Variants in GPM6A observed in about 807,000 individuals in gnomAD.
GPM6A encodes neuronal membrane glycoprotein M6-a.
In GPM6A, 7 loss-of-function variants were observed where a neutral mutation model predicts 32.1. The ratio of observed to expected loss-of-function variants is 0.22; its 90% CI spans 0.12 to 0.41. GPM6A has a LOEUF of 0.41. Among genes scored for constraint, GPM6A ranks in the 10% least tolerant of loss-of-function variants. GPM6A has a pLI of 1.00. For synonymous variants in GPM6A, 130 were observed against 123.4 expected, an observed-to-expected ratio of 1.05 and a Z score of -0.35; for missense variants, 235 against 347.2, an observed-to-expected ratio of 0.68 and a Z score of 2.57.
At chr4:175,733,432 G>A (rs1731519266) in intron 1 of GPM6A, among the ~76,000 whole-genome samples, 1 of 152,168 alleles carries the variant, frequency 6.6e-6, no homozygotes, top group Non-Finnish European at 1.5e-5. Context: ...GAACCTGGGA[G>A]ACGGAAGTTG....
chr4:175,647,860 C>A (rs1281751915), intron 4 of GPM6A, among the ~76,000 whole-genome samples: 2 of 151,980 alleles, frequency 1.3e-5, no homozygotes, highest in African/African-American at 2.4e-5. Flanking sequence ...GACATATAAT[C>A]TGGAGGGCAA....
intron 1 of GPM6A, among the ~76,000 whole-genome samples, chr4:175,772,301 T>C (rs575125868): frequency 1.3e-5 from 2 of 152,172 alleles, no homozygotes; most frequent in Non-Finnish European, 2.9e-5. Context: ...CCCGAGAACA[T>C]GCCACTTTGA....
chr4:175,737,758 G>A (rs1731720545), intron 1 of GPM6A, among the ~76,000 whole-genome samples: 1 of 152,090 alleles, frequency 6.6e-6, no homozygotes, highest in South Asian at 2.1e-4. Flanking sequence ...GGGCGAAGGG[G>A]AGCAGATGTA....
chr4:175,899,293 A>G (rs927691213), intron 1 of GPM6A, among the ~76,000 whole-genome samples: 2 of 152,184 alleles, frequency 1.3e-5, no homozygotes, highest in Non-Finnish European at 2.9e-5. Flanking sequence ...CTACAATTAA[A>G]TAGTACAAAA....
chr4:175,856,681 CG>C (rs1474529339), intron 1 of GPM6A, among the ~76,000 whole-genome samples: 1 of 152,030 alleles, frequency 6.6e-6, no homozygotes, highest in Non-Finnish European at 1.5e-5. Context: ...TTTTACTGAG[CG>C]ATGGAAGCAG....
chr4:175,711,459 C>CAT (rs1745538084), intron 1 of GPM6A, among the ~76,000 whole-genome samples: 1 of 14,626 alleles, frequency 6.8e-5, no homozygotes, highest in East Asian at 3.0e-3. Flanking sequence ...TATATATATA[C>CAT]ACACACATAC....
chr4:175,878,914 T>A (rs1370435848), intron 1 of GPM6A, among the ~76,000 whole-genome samples: 1 of 152,216 alleles, frequency 6.6e-6, no homozygotes, highest in Non-Finnish European at 1.5e-5. Flanking sequence ...AAAAGCTGAA[T>A]GCTTTTAACA....
intron 1 of GPM6A, among the ~76,000 whole-genome samples, chr4:175,986,719 A>G (rs1740987783): frequency 6.6e-6 from 1 of 152,170 alleles, no homozygotes; most frequent in Non-Finnish European, 1.5e-5. Context: ...CAATTTAAGT[A>G]TCTTATTTCC....
chr4:175,787,388 A>G, intron 1 of GPM6A: 1 of 1,534,490 alleles, frequency 6.5e-7, no homozygotes. Context: ...CTCCTTGTGA[A>G]CTCTATTTTC....
chr4:175,719,158 C>G (rs1474382422), intron 1 of GPM6A, among the ~76,000 whole-genome samples: 1 of 151,236 alleles, frequency 6.6e-6, no homozygotes, highest in Non-Finnish European at 1.5e-5. Context: ...TTTTAAAATT[C>G]TATCTCATAG....
At chr4:175,833,846 G>C (rs1374675886) in intron 1 of GPM6A, among the ~76,000 whole-genome samples, 1 of 152,032 alleles carries the variant, frequency 6.6e-6, no homozygotes, top group African/African-American at 2.4e-5. Context: ...AGAGAGAAGA[G>C]AGCAGAGAGA....
intron 6 of GPM6A, among the ~76,000 whole-genome samples, chr4:175,636,659 G>A (rs1254358755): frequency 6.6e-6 from 1 of 150,786 alleles, no homozygotes; most frequent in Non-Finnish European, 1.5e-5. Flanking sequence ...AGCTGGGTGT[G>A]GTGCCACGTG....
intron 1 of GPM6A, among the ~76,000 whole-genome samples, chr4:175,734,207 C>T (rs1731557252): frequency 6.6e-6 from 1 of 150,750 alleles, no homozygotes; most frequent in South Asian, 2.1e-4. Flanking sequence ...TTCTTACTTG[C>T]AACTCTTCAA....
intron 1 of GPM6A, among the ~76,000 whole-genome samples, chr4:175,804,770 G>A (rs1734616908): frequency 6.6e-6 from 1 of 152,160 alleles, no homozygotes; most frequent in Admixed American, 6.5e-5. Context: ...AGTGGGCCGG[G>A]CTCGGTGGCT....
intron 1 of GPM6A, among the ~76,000 whole-genome samples, chr4:175,832,493 T>C (rs1735645938): frequency 7.2e-6 from 1 of 139,624 alleles, no homozygotes; most frequent in African/African-American, 2.6e-5. Flanking sequence ...TAAATTGTGG[T>C]AGGTACTAAA....
rs373541980 is a variant in GPM6A, at chr4:175,643,672, AC to A, written c.542-2844del. On this transcript the variant is annotated intron_variant, in intron 4 of 6. Transcript: ENST00000393658. ...AAGGATGTCAGGCCACCATCAGGTG[AC>A]AGTCAGGTAGTTGTTAACTGTCTTT... Among the ~76,000 whole-genome samples, 41 of 152,318 alleles carry A rather than the reference AC, an allele frequency of 2.7e-4. No individual in the cohort carries two copies. The East Asian group carries it at 7.7e-3, about 29-fold the overall frequency.
intron 1 of GPM6A, among the ~76,000 whole-genome samples, chr4:175,730,961 C>T (rs1207195166): frequency 6.6e-6 from 1 of 152,162 alleles, no homozygotes; most frequent in Non-Finnish European, 1.5e-5. Flanking sequence ...TCCTTTGCCT[C>T]CATCTTTTTC....
At chr4:175,651,257 A>G (rs2110917973) in intron 4 of GPM6A, among the ~76,000 whole-genome samples, 1 of 152,322 alleles carries the variant, frequency 6.6e-6, no homozygotes, top group African/African-American at 2.4e-5. Flanking sequence ...AAATACTTAA[A>G]ATAGGGTCTA....
At chr4:175,934,867 G>A (rs1273435380) in intron 1 of GPM6A, among the ~76,000 whole-genome samples, 1 of 151,980 alleles carries the variant, frequency 6.6e-6, no homozygotes, top group Non-Finnish European at 1.5e-5. Flanking sequence ...CCCCATTTTT[G>A]AAATTGCCAC....
Sources: gnomAD v4.1 joint callset for allele counts (sites outside exome capture counted in the v4.1 genomes callset) on GRCh38, gnomAD v4.1.1 for gene constraint, MANE v1.5 for transcripts, NCBI Gene and HGNC (gene_info 2026-07-23, HGNC 2026-07-21) for gene names.